PANK2: variants seen among roughly 807,000 people sequenced by gnomAD.
The protein encoded by PANK2 is pantothenate kinase 2.
In PANK2, 36 loss-of-function variants were observed where a neutral mutation model predicts 43.1. The ratio of observed to expected loss-of-function variants is 0.84; its 90% CI spans 0.64 to 1.10. The LOEUF is 1.10. Among genes scored for constraint, PANK2 ranks in the 50% least tolerant of loss-of-function variants. The pLI is 0.00. For missense variants in PANK2, 576 were observed against 593.3 expected (o/e 0.97, Z 0.30); for synonymous variants, 281 against 238.2 (o/e 1.18, Z -1.66).
In PANK2 at chr20:3,923,620, A is replaced by C. The variant is rs1028651593; in HGVS notation, c.*326A>C. 9.9e-6 allele frequency: 4 copies of C among 406,004 alleles called. No homozygotes were observed. The highest frequency in any genetic ancestry group is 8.0e-5 in the African/African-American group (4 of 49,770). The allele number at this position is 406,004 out of a possible 1,614,324, so 25.2% of individuals were successfully genotyped here. A position where few individuals can be genotyped will look rare whatever the true frequency, so the allele number is the denominator to read the frequency against. Reference sequence around the variant, plus strand: ...TTCTGAAGAGAGCTGCTCTGTGTTCAGTTGACTGGTTTTGTGTCCTGTTTG... The same window carrying C: ...TTCTGAAGAGAGCTGCTCTGTGTTCCGTTGACTGGTTTTGTGTCCTGTTTG... On this transcript the variant is annotated 3_prime_UTR_variant, in exon 7 of 7. Coordinates refer to ENST00000610179, the MANE Select transcript of PANK2 (RefSeq NM_001386393.1).
intron 5 of PANK2, chr20:3,917,442 G>A (rs2090579758): frequency 1.9e-6 from 1 of 534,862 alleles, no homozygotes; most frequent in African/African-American, 1.9e-5. Context: ...AGAAGACTGA[G>A]CAGGCCGAGG....
rs2090755855 is a variant in PANK2, at chr20:3,928,219, C to T, written c.*4925C>T. ...CCCAGGGCCAGAGATTCTACAAATG[C>T]CAGAAGAGTGGATGTGATAGAGAAT... On this transcript the variant is annotated 3_prime_UTR_variant, in exon 7 of 7. Transcript: ENST00000610179. 6.6e-6 allele frequency: 1 copy of T among 152,206 alleles called. No individual in the cohort carries two copies. The highest frequency in any genetic ancestry group is 2.1e-4 in the South Asian group (1 of 4,822). The allele number at this position is 152,206 out of a possible 1,614,324, so 9.4% of individuals were successfully genotyped here.
Position 3,923,518 on chromosome 20 carries a change from A to AG in PANK2, c.*226dup, listed in dbSNP as rs2090679178. 2 of 586,154 alleles carry AG rather than the reference A, an allele frequency of 3.4e-6. No individual in the cohort carries two copies. The highest frequency in any genetic ancestry group is 5.8e-5 in the East Asian group (2 of 34,758). The allele number at this position is 586,154 out of a possible 1,614,324, so 36.3% of individuals were successfully genotyped here. On this transcript the variant is annotated 3_prime_UTR_variant, in exon 7 of 7. Coordinates refer to ENST00000610179, the MANE Select transcript of PANK2 (RefSeq NM_001386393.1). ...AACAACAAAAAAGTGGCACATGTCCAGGCAGTGTGAGGATTTGCTGTATAT... is the reference window on the plus strand; with the variant it reads ...AACAACAAAAAAGTGGCACATGTCCAGGGCAGTGTGAGGATTTGCTGTATAT...
intron 2 of PANK2, among the ~76,000 whole-genome samples, chr20:3,909,087 T>TTTTTG (rs1319280752): frequency 1.3e-5 from 2 of 152,162 alleles, no homozygotes; most frequent in East Asian, 1.9e-4. Flanking sequence ...AGATTCTGCC[T>TTTTTG]TTTTGTTTTG....
At chr20:3,919,181 G>C (rs1182792410) in intron 6 of PANK2, among the ~76,000 whole-genome samples, 2 of 152,152 alleles carry the variant, frequency 1.3e-5, no homozygotes, top group Non-Finnish European at 2.9e-5. Context: ...CAAAGTTCCA[G>C]GATTACAGGT....
At chr20:3,913,790 ATTTTTTTT>A (rs57042549) in intron 4 of PANK2, among the ~76,000 whole-genome samples, 1 of 138,476 alleles carries the variant, frequency 7.2e-6, no homozygotes, top group Admixed American at 7.5e-5. Flanking sequence ...ATATATATAT[ATTTTTTTT>A]TTTTTTTTGA....
chr20:3,908,408 G>T (rs1568570253), intron 2 of PANK2, 130 bp downstream of exon 2: 19 of 924,614 alleles, frequency 2.1e-5, no homozygotes, highest in Non-Finnish European at 3.1e-5. Flanking sequence ...AAGATTAAAG[G>T]TACGCTAGTG....
intron 4 of PANK2, among the ~76,000 whole-genome samples, chr20:3,912,912 C>T (rs187284218): frequency 4.7e-5 from 5 of 107,158 alleles, no homozygotes; most frequent in East Asian, 2.9e-4. Flanking sequence ...GCCTAGGTAA[C>T]GGAGTGAGAC....
chr20:3,908,042 CG>C lies in PANK2; in HGVS notation c.417del (p.Lys140SerfsTer3). 2 of 1,614,092 alleles carry C rather than the reference CG, an allele frequency of 1.2e-6. No homozygotes were observed. Among genetic ancestry groups the C allele is most frequent in the Non-Finnish European group, 1.7e-6 (2 of 1,180,024 alleles). On this transcript the variant is annotated frameshift_variant, in exon 2 of 7. Coordinates refer to ENST00000610179, the MANE Select transcript of PANK2 (RefSeq NM_001386393.1). LOFTEE classifies it high-confidence loss of function. ...AGAAGTGGAAAGTCTTAAAAGCATT[CG>C]GAAGTACCTGACCTCCAATGTGGCT...
At chr20:3,909,291 G>A (rs183710599) in intron 2 of PANK2, among the ~76,000 whole-genome samples, 3 of 152,096 alleles carry the variant, frequency 2.0e-5, no homozygotes, top group Non-Finnish European at 4.4e-5. Context: ...TGTTGGTCAG[G>A]CTGGTCTCGA....
chr20:3,914,326 T>A lies in PANK2; in HGVS notation c.1082+1692T>A, dbSNP rs1046443701. Among the ~76,000 whole-genome samples the A allele has an allele frequency of 4.5e-4, 69 of 152,014 alleles. 3 individuals carry two copies. Among genetic ancestry groups the A allele is most frequent in the Non-Finnish European group, 8.8e-5 (6 of 67,958 alleles). On this transcript the variant is annotated intron_variant, in intron 4 of 6. Transcript: ENST00000610179. ...GAAGTGATATCTTGTAGCGTTTTTA[T>A]TTTTTAAGAGGCAGGGTCTCGCCCT...
chr20:3,921,646 A>G (rs2090648931), intron 6 of PANK2: 1 of 152,180 alleles, frequency 6.6e-6, no homozygotes, highest in Non-Finnish European at 1.5e-5. Context: ...GCCTCACATC[A>G]CAGATTGGTG....
chr20:3,889,839 A>C, intron 1 of PANK2, 111 bp downstream of exon 1: 1 of 1,520,944 alleles, frequency 6.6e-7, no homozygotes, highest in South Asian at 1.2e-5. Context: ...CTGTCCCCGC[A>C]CGGTGGTCCC....
At chr20:3,913,385 C>T (rs2090500212) in intron 4 of PANK2, among the ~76,000 whole-genome samples, 1 of 151,878 alleles carries the variant, frequency 6.6e-6, no homozygotes, top group Non-Finnish European at 1.5e-5. Context: ...CTCTTTTTGC[C>T]CAGGCTGGAG....
chr20:3,888,946 G>T (rs1334513325), upstream of PANK2: 3 of 569,406 alleles, frequency 5.3e-6, no homozygotes, highest in African/African-American at 3.8e-5. Flanking sequence ...GACGACCAGC[G>T]GCCAGACGCT....
intron 1 of PANK2, chr20:3,889,938 C>T (rs1172179253): frequency 2.0e-6 from 3 of 1,529,650 alleles, no homozygotes; most frequent in Non-Finnish European, 2.6e-6. Flanking sequence ...CATTGGTATG[C>T]ACTTCCCGCT....
intron 1 of PANK2, among the ~76,000 whole-genome samples, chr20:3,903,138 C>CT (rs58375342): frequency 8.0e-4 from 113 of 140,704 alleles, no homozygotes; most frequent in African/African-American, 9.5e-4. Flanking sequence ...ATTAGCTTGC[C>CT]TTTTTTTTTT....
Position 3,924,823 on chromosome 20 carries a change from CAG to C in PANK2, c.*1530_*1531del, listed in dbSNP as rs2090697386. On this transcript the variant is annotated 3_prime_UTR_variant, in exon 7 of 7. Transcript: ENST00000610179. ...CACCACCATCCTCCTGCTTGTACCA[CAG>C]GGTGCTGCTCCCTGGGCCAACTCCT... The C allele has an allele frequency of 2.6e-5, 4 of 152,604 alleles. No individual in the cohort carries two copies. Among genetic ancestry groups the C allele is most frequent in the Admixed American group, 2.6e-4 (4 of 15,284 alleles). The allele number at this position is 152,604 out of a possible 1,614,324, so 9.5% of individuals were successfully genotyped here.
At position 3,929,057 on chromosome 20, in the gene PANK2, G is replaced by A. The variant is rs6084519; in HGVS notation, c.*5763G>A. 1.3e-5 allele frequency: 2 copies of A among 152,134 alleles called. No individual in the cohort carries two copies. The highest frequency in any genetic ancestry group is 2.9e-5 in the Non-Finnish European group (2 of 68,050). 9.4% of individuals were successfully genotyped at this position (152,134 alleles called of 1,614,324 possible). A position where few individuals can be genotyped will look rare whatever the true frequency, so the allele number is the denominator to read the frequency against. On this transcript the variant is annotated 3_prime_UTR_variant, in exon 7 of 7. Coordinates refer to ENST00000610179, the MANE Select transcript of PANK2 (RefSeq NM_001386393.1). Reference sequence around the variant, plus strand: ...AGAGGGGGTTTCACCATATTGGTCAGGCTGGTCTTGAACTCTTGACCTAAG... The same window carrying A: ...AGAGGGGGTTTCACCATATTGGTCAAGCTGGTCTTGAACTCTTGACCTAAG...
Sources: allele counts gnomAD v4.1 joint callset (sites outside exome capture counted in the v4.1 genomes callset), GRCh38; gene constraint gnomAD v4.1.1; transcripts MANE v1.5; gene names NCBI Gene and HGNC (gene_info 2026-07-23, HGNC 2026-07-21).